Variants in MATR3 observed in about 807,000 individuals in gnomAD.
MATR3 encodes the protein matrin 3.
A neutral mutation model predicts 85.5 loss-of-function variants in MATR3; 4 were observed. The observed-to-expected ratio is 0.05, with a 90% CI of 0.02 to 0.11. The LOEUF is 0.11. Ranked by LOEUF, MATR3 falls within the 10% of genes least tolerant of loss-of-function variation. The pLI is 1.00. For synonymous variants in MATR3, 336 were observed against 343.1 expected, an observed-to-expected ratio of 0.98 and a Z score of 0.23; for missense variants, 685 against 1,016.1, an observed-to-expected ratio of 0.67 and a Z score of 4.43.
rs1174147673 is a variant in MATR3, at chr5:139,330,398, C to T, written c.*1003C>T. ...AGTGAATACCAATAAAAAGAAAACC[C>T]TAGGCCATGTTAATTGGTTATACAT... On this transcript the variant is annotated 3_prime_UTR_variant, in exon 15 of 15. Transcript: ENST00000394805. 4 of 454,486 alleles carry T rather than the reference C, an allele frequency of 8.8e-6. No homozygotes were observed. The highest frequency in any genetic ancestry group is 6.9e-5 in the East Asian group (1 of 14,406). The allele number at this position is 454,486 out of a possible 1,614,324, so 28.2% of individuals were successfully genotyped here.
At chr5:139,316,511 C>G (rs1755252412) in intron 5 of MATR3, among the ~76,000 whole-genome samples, 1 of 152,052 alleles carries the variant, frequency 6.6e-6, no homozygotes, top group African/African-American at 2.4e-5. Flanking sequence ...CTCCAAAGTG[C>G]TAGGATTGCA....
At chr5:139,300,514 C>T (rs953042363) in intron 1 of MATR3, among the ~76,000 whole-genome samples, 2 of 152,108 alleles carry the variant, frequency 1.3e-5, no homozygotes, top group African/African-American at 4.8e-5. Flanking sequence ...GATCTCAGTC[C>T]TTTTGCCTCT....
At chr5:139,292,189 T>A (rs1561923591), upstream of MATR3, 1 of 151,788 alleles carries the variant, frequency 6.6e-6, no homozygotes, top group Non-Finnish European at 1.5e-5. Flanking sequence ...CTGGAACTCT[T>A]GAACTCAAGT....
intron 1 of MATR3, among the ~76,000 whole-genome samples, chr5:139,275,827 T>C (rs1427425548): frequency 6.6e-6 from 1 of 152,166 alleles, no homozygotes; most frequent in East Asian, 1.9e-4. Context: ...ATTCTACAAA[T>C]GAGACTGAGG....
chr5:139,328,018 C>CAT (rs1561946649), intron 14 of MATR3, among the ~76,000 whole-genome samples: 1 of 151,756 alleles, frequency 6.6e-6, no homozygotes, highest in African/African-American at 2.4e-5. Flanking sequence ...TGTGCCACTT[C>CAT]GCCTGGCTAA....
At chr5:139,313,166 C>T (rs1413951648) in intron 2 of MATR3, 1 of 151,588 alleles carries the variant, frequency 6.6e-6, no homozygotes, top group Non-Finnish European at 1.5e-5. Flanking sequence ...CCTTTAAAAA[C>T]ACATCGCCTG....
chr5:139,326,174 G>A lies in MATR3; in HGVS notation c.2383G>A (p.Val795Met), dbSNP rs942229189. The change falls in exon 14 of 15, where the codon GTG becomes ATG. Residue 795 changes from valine (V) to methionine (M), a missense_variant. By Grantham distance (21) the Val-to-Met change is conservative. Coordinates refer to ENST00000394805, the MANE Select transcript of MATR3 (RefSeq NM_018834.6). Reference sequence around the variant, plus strand: ...GTTTGTATTTCTAGGTATAGACTATGTGATACCTAAAACAGGGTTTTACTG... The same window carrying A: ...GTTTGTATTTCTAGGTATAGACTATATGATACCTAAAACAGGGTTTTACTG... ...QPNVPVGIDYVIPKTGFYCKL... is the reference protein window; with the variant it reads ...QPNVPVGIDYMIPKTGFYCKL... 5.0e-6 allele frequency: 8 copies of A among 1,602,682 alleles called. No individual in the cohort carries two copies. Among genetic ancestry groups the A allele is most frequent in the Non-Finnish European group, 6.8e-6 (8 of 1,171,122 alleles).
rs1755284160 is a variant in MATR3 at position 139,317,035 on chromosome 5, C to A, written c.1130-18C>A. 1 of 1,607,620 alleles carries A rather than the reference C, an allele frequency of 6.2e-7. No homozygotes were observed. The highest frequency in any genetic ancestry group is 8.5e-7 in the Non-Finnish European group (1 of 1,175,064). On this transcript the variant is annotated intron_variant, in intron 5 of 14. Coordinates refer to ENST00000394805, the MANE Select transcript of MATR3 (RefSeq NM_018834.6). ...AGTATAGTGATTACAAGACTGAAAACTTTCTCTTCCCATAAAGGTGCTGGA... is the reference window on the plus strand; with the variant it reads ...AGTATAGTGATTACAAGACTGAAAAATTTCTCTTCCCATAAAGGTGCTGGA...
intron 1 of MATR3, chr5:139,294,064 A>C (rs1002611271): frequency 4.8e-6 from 6 of 1,255,798 alleles, no homozygotes; most frequent in African/African-American, 1.5e-5. Flanking sequence ...CGGCCGGCCA[A>C]GGGCCCAGGG....
chr5:139,305,245 C>G (rs1754648617), intron 1 of MATR3, among the ~76,000 whole-genome samples: 1 of 152,140 alleles, frequency 6.6e-6, no homozygotes, highest in South Asian at 2.1e-4. Flanking sequence ...ACCTTTGCTT[C>G]TCTTAACTTT....
At chr5:139,326,390 A>C in intron 14 of MATR3, 106 bp downstream of exon 14, 1 of 1,031,688 alleles carries the variant, frequency 9.7e-7, no homozygotes, top group Non-Finnish European at 1.5e-6. Context: ...GACTCAGTGC[A>C]GTGCTTTCTC....
intron 3 of MATR3, chr5:139,283,255 G>A (rs1561920130): frequency 6.6e-6 from 1 of 152,296 alleles, no homozygotes; most frequent in Non-Finnish European, 1.5e-5. Context: ...GAGCCTCTGA[G>A]TTAGAATCTG....
chr5:139,325,935 G>T (rs1422992551), intron 13 of MATR3, among the ~76,000 whole-genome samples: 1 of 151,802 alleles, frequency 6.6e-6, no homozygotes, highest in Non-Finnish European at 1.5e-5. Context: ...TTGCTTTTCT[G>T]TGTTGTTTTT....
At chr5:139,316,053 A>ATT in intron 4 of MATR3, 23 bp from the exon 5 acceptor site, 2 of 1,503,714 alleles carry the variant, frequency 1.3e-6, no homozygotes, top group Non-Finnish European at 1.8e-6. Flanking sequence ...TATGATTTAT[A>ATT]TTTTATGTCT....
intron 6 of MATR3, among the ~76,000 whole-genome samples, 158 bp from the exon 7 acceptor site, chr5:139,317,438 A>C (rs1755309019): frequency 6.6e-6 from 1 of 152,198 alleles, no homozygotes; most frequent in Non-Finnish European, 1.5e-5. Context: ...TTACCCAGTG[A>C]CGTTTGATAT....
upstream of MATR3, chr5:139,293,680 G>C (rs1753965433): frequency 3.3e-6 from 1 of 300,134 alleles, no homozygotes; most frequent in African/African-American, 2.2e-5. Context: ...GAGTGGGTTT[G>C]TTCTTGGGCT....
chr5:139,325,885 CT>C (rs2152023360), intron 13 of MATR3, among the ~76,000 whole-genome samples: 1 of 152,116 alleles, frequency 6.6e-6, no homozygotes, highest in South Asian at 2.1e-4. Flanking sequence ...AATGTGTTCC[CT>C]TTTTTCGTAA....
At chr5:139,275,363 C>G (rs2151845066) in intron 1 of MATR3, among the ~76,000 whole-genome samples, 2 of 152,018 alleles carry the variant, frequency 1.3e-5, no homozygotes, top group Admixed American at 1.3e-4. Context: ...TCCAATTCCC[C>G]TCACATCCAA....
At chr5:139,279,298 G>A (rs1021961216) in intron 3 of MATR3, 40 of 377,202 alleles carry the variant, frequency 1.1e-4, no homozygotes, top group Middle Eastern at 9.2e-4. Context: ...GCTCGATCTC[G>A]GCTCACTGCA....
Sources: gnomAD v4.1 joint callset for allele counts (sites outside exome capture counted in the v4.1 genomes callset) on GRCh38, gnomAD v4.1.1 for gene constraint, MANE v1.5 for transcripts, NCBI Gene and HGNC (gene_info 2026-07-23, HGNC 2026-07-21) for gene names.